Variants in DLGAP4 observed in about 807,000 individuals in gnomAD.
DLGAP4 encodes the protein DLG associated protein 4, also known as disks large-associated protein 4.
A neutral mutation model predicts 86.9 loss-of-function variants in DLGAP4; 18 were observed. The observed-to-expected ratio is 0.21, with a 90% CI of 0.14 to 0.31. DLGAP4 has a LOEUF of 0.31. DLGAP4 is among the 10% of genes least tolerant of loss of function. The probability of loss-of-function intolerance (pLI) is 1.00; values close to 1 mark genes in which losing one functional copy is unlikely to be tolerated. For synonymous variants in DLGAP4, 548 were observed against 574.3 expected, an observed-to-expected ratio of 0.95 and a Z score of 0.65; for missense variants, 1,085 against 1,362.6, an observed-to-expected ratio of 0.80 and a Z score of 3.21.
chr20:36,353,001 C>A (rs1172814738), intron 1 of DLGAP4, among the ~76,000 whole-genome samples: 1 of 152,212 alleles, frequency 6.6e-6, no homozygotes, highest in Non-Finnish European at 1.5e-5. Context: ...CCTCCTCCTG[C>A]GTCCACTGTG....
chr20:36,380,537 A>G (rs911094856), intron 2 of DLGAP4, among the ~76,000 whole-genome samples: 1 of 151,092 alleles, frequency 6.6e-6, no homozygotes, highest in Non-Finnish European at 1.5e-5. Flanking sequence ...ACAGTAAGTT[A>G]TGATCATGCC....
chr20:36,509,046 TATTTTA>T (rs2036543012), intron 10 of DLGAP4, among the ~76,000 whole-genome samples: 1 of 152,258 alleles, frequency 6.6e-6, no homozygotes, highest in South Asian at 2.1e-4. Flanking sequence ...AAGCTGTGCA[TATTTTA>T]ATTTTATTTA....
chr20:36,379,020 C>A (rs2031269871), intron 2 of DLGAP4, among the ~76,000 whole-genome samples: 1 of 152,132 alleles, frequency 6.6e-6, no homozygotes, highest in African/African-American at 2.4e-5. Flanking sequence ...GGCAAACATG[C>A]TAGCAGTAAG....
chr20:36,432,798 A>C lies in DLGAP4; in HGVS notation c.999+82A>C. 1 of 1,520,620 alleles carries C rather than the reference A, an allele frequency of 6.6e-7. No individual in the cohort carries two copies. 94.2% of individuals were successfully genotyped at this position (1,520,620 alleles called of 1,614,324 possible). On this transcript the variant is annotated intron_variant, in intron 3 of 12. Transcript: ENST00000339266. This position sits in a 1 kb window ranked among gnomAD's most constrained non-coding sequence, Gnocchi z 6.5. ...TGAGGCCTAGACGTACCACAGATTC[A>C]CTTGGAAAGTCACTTCATTCTGGGC...
intron 1 of DLGAP4, among the ~76,000 whole-genome samples, chr20:36,349,006 G>A (rs1234796443): frequency 6.7e-6 from 1 of 148,516 alleles, no homozygotes; most frequent in Non-Finnish European, 1.5e-5. Flanking sequence ...GGGAGACTGA[G>A]GGAGGAGAAT....
chr20:36,453,651 G>A (rs575815929), intron 7 of DLGAP4, among the ~76,000 whole-genome samples: 4 of 151,850 alleles, frequency 2.6e-5, no homozygotes, highest in Non-Finnish European at 4.4e-5. Flanking sequence ...AGAAAAAAGA[G>A]GCTGGGCACG....
At chr20:36,403,343 C>G (rs1600486543) in intron 2 of DLGAP4, among the ~76,000 whole-genome samples, 1 of 152,290 alleles carries the variant, frequency 6.6e-6, no homozygotes, top group East Asian at 1.9e-4. Context: ...GCCCTCATGA[C>G]CTAAACACAT....
chr20:36,459,851 C>A (rs2033977206), intron 7 of DLGAP4, among the ~76,000 whole-genome samples: 1 of 152,220 alleles, frequency 6.6e-6, no homozygotes, highest in African/African-American at 2.4e-5. Context: ...AGGTGATCCT[C>A]CCGCCTTGGC....
chr20:36,392,171 A>G (rs1340689817), intron 2 of DLGAP4, among the ~76,000 whole-genome samples: 1 of 152,168 alleles, frequency 6.6e-6, no homozygotes, highest in Admixed American at 6.5e-5. Flanking sequence ...TGAGGGAGCC[A>G]CTCGGCTTCC....
intron 2 of DLGAP4, among the ~76,000 whole-genome samples, chr20:36,408,685 G>T (rs6130808): frequency 6.6e-6 from 1 of 152,230 alleles, no homozygotes; most frequent in Admixed American, 6.5e-5. Context: ...GGTCAGGTCA[G>T]GTCATGCCTG....
intron 7 of DLGAP4, among the ~76,000 whole-genome samples, chr20:36,482,598 G>A (rs746925093): frequency 6.6e-6 from 1 of 152,160 alleles, no homozygotes; most frequent in Non-Finnish European, 1.5e-5. Flanking sequence ...CACTGGGCTG[G>A]AGCCGAGGCA....
intron 7 of DLGAP4, among the ~76,000 whole-genome samples, chr20:36,484,079 C>T (rs956226864): frequency 6.6e-6 from 1 of 152,246 alleles, no homozygotes; most frequent in Non-Finnish European, 1.5e-5. Flanking sequence ...GGCTCAAATT[C>T]TGGCTTTTCC....
chr20:36,467,063 T>TCTCTCTC (rs1569509700), intron 7 of DLGAP4, among the ~76,000 whole-genome samples: 3 of 39,378 alleles, frequency 7.6e-5, no homozygotes, highest in Admixed American at 2.2e-4. Flanking sequence ...TCTCTCTCTC[T>TCTCTCTC]CCCCCCCCCT....
intron 2 of DLGAP4, among the ~76,000 whole-genome samples, chr20:36,426,681 C>T (rs1020072818): frequency 1.3e-5 from 2 of 152,046 alleles, no homozygotes; most frequent in Non-Finnish European, 2.9e-5. Flanking sequence ...TCCATAATGC[C>T]CCACTGAATT....
At chr20:36,517,608 AT>A (rs533057453) in intron 10 of DLGAP4, among the ~76,000 whole-genome samples, 124 of 145,418 alleles carry the variant, frequency 8.5e-4, no homozygotes, top group South Asian at 1.5e-3. Context: ...GTTGTTACTG[AT>A]TTTTTTTTTT....
intron 2 of DLGAP4, among the ~76,000 whole-genome samples, chr20:36,387,247 C>T (rs769649945): frequency 1.3e-5 from 2 of 152,168 alleles, no homozygotes; most frequent in Admixed American, 1.3e-4. Flanking sequence ...TTTTCATTAG[C>T]GTCGCCTGAC....
intron 11 of DLGAP4, 80 bp from the exon 12 acceptor site, chr20:36,525,771 A>G: frequency 6.3e-7 from 1 of 1,581,950 alleles, no homozygotes; most frequent in Non-Finnish European, 8.6e-7. Context: ...GGCCCAGAGG[A>G]ACCCTGCTTG....
intron 7 of DLGAP4, among the ~76,000 whole-genome samples, chr20:36,486,905 C>G (rs538462858): frequency 6.7e-6 from 1 of 149,034 alleles, no homozygotes; most frequent in East Asian, 2.0e-4. Flanking sequence ...AGCCACCTCA[C>G]CCGGCCTGGA....
chr20:36,457,128 G>A (rs2147603370), intron 7 of DLGAP4, among the ~76,000 whole-genome samples: 1 of 152,306 alleles, frequency 6.6e-6, no homozygotes, highest in South Asian at 2.1e-4. Context: ...CAGCATAAGG[G>A]GTCCTGGGAG....
Sources: allele counts gnomAD v4.1 joint callset (sites outside exome capture counted in the v4.1 genomes callset), GRCh38; gene constraint gnomAD v4.1.1; non-coding constraint Gnocchi (gnomAD v3.1); transcripts MANE v1.5; gene names NCBI Gene and HGNC (gene_info 2026-07-23, HGNC 2026-07-21).